RETREG3: variants seen among roughly 807,000 people sequenced by gnomAD.
RETREG3 encodes the protein reticulophagy regulator family member 3.
RETREG3 carries 23 observed loss-of-function variants against 50.2 expected under a neutral mutation model. The ratio of observed to expected loss-of-function variants is 0.46; its 90% CI spans 0.33 to 0.65. The LOEUF (loss-of-function observed/expected upper bound fraction) is 0.65, where lower values mean the gene tolerates loss of function less well. RETREG3 is among the 30% of genes least tolerant of loss of function. The pLI, the probability that RETREG3 is intolerant of heterozygous loss-of-function variation, is 0.02. For missense variants in RETREG3, 546 were observed against 598.0 expected, an observed-to-expected ratio of 0.91 and a Z score of 0.91; for synonymous variants, 240 against 234.4, an observed-to-expected ratio of 1.02 and a Z score of -0.22.
chr17:42,609,062 T>C, intron 1 of RETREG3, 24 bp downstream of exon 1: 1 of 1,596,082 alleles, frequency 6.3e-7, no homozygotes. Context: ...ACTCGGAGGG[T>C]TTCCGAGGGT....
At chr17:42,603,667 C>A (rs183636365) in intron 1 of RETREG3, among the ~76,000 whole-genome samples, 13 of 152,286 alleles carry the variant, frequency 8.5e-5, no homozygotes, top group Admixed American at 4.6e-4. Context: ...AACATTCACT[C>A]AACAGATTTC....
At position 42,582,781 on chromosome 17, in the gene RETREG3, T is replaced by A; in HGVS notation, c.836A>T (p.Glu279Val). The A allele has an allele frequency of 6.2e-7, 1 of 1,614,152 alleles. No individual in the cohort carries two copies. Among genetic ancestry groups the A allele is most frequent in the African/African-American group, 1.3e-5 (1 of 75,022 alleles). ...PQLDDSTVAR[E>V]LAITDSEHSD... ...GTGCTCAGAGTCTGTGATGGCCAAT[T>A]CCCTGGCAACAGTAGAATCGTCCAG... Residue 279 changes from glutamate to valine, a missense_variant, in exon 8 of 9, where the codon GAA becomes GTA. Physicochemically the swap from Glu to Val is moderately radical, Grantham distance 121. Transcript: ENST00000309428.
intron 2 of RETREG3, among the ~76,000 whole-genome samples, chr17:42,590,413 T>G (rs1313223661): frequency 6.6e-6 from 1 of 151,838 alleles, no homozygotes; most frequent in East Asian, 1.9e-4. Flanking sequence ...GACTCACGTC[T>G]GTAATCCCAG....
At chr17:42,608,856 G>A (rs1451540186) in intron 1 of RETREG3, 6 of 537,872 alleles carry the variant, frequency 1.1e-5, no homozygotes, top group Non-Finnish European at 2.0e-5. Flanking sequence ...CCAGATGTGC[G>A]GGGCGGGGGT....
intron 1 of RETREG3, among the ~76,000 whole-genome samples, chr17:42,601,071 TTCAAGAC>T (rs1167541316): frequency 6.7e-6 from 1 of 148,876 alleles, no homozygotes. Flanking sequence ...ACATCAGGAG[TTCAAGAC>T]CAGCCTGGCC....
chr17:42,604,694 C>CAA (rs1007735904), intron 1 of RETREG3, among the ~76,000 whole-genome samples: 78 of 44,390 alleles, frequency 1.8e-3, no homozygotes, highest in Admixed American at 3.6e-3. Flanking sequence ...GATTCCCCAG[C>CAA]AAAAAAAAAA....
intron 2 of RETREG3, among the ~76,000 whole-genome samples, chr17:42,590,599 A>T (rs1386579575): frequency 1.3e-5 from 2 of 151,306 alleles, no homozygotes; most frequent in Non-Finnish European, 1.5e-5. Context: ...TGGAGCCCGG[A>T]AGGTTGAGGC....
chr17:42,603,925 C>T (rs1424089841), intron 1 of RETREG3, among the ~76,000 whole-genome samples: 2 of 151,074 alleles, frequency 1.3e-5, no homozygotes, highest in African/African-American at 2.4e-5. Flanking sequence ...TGCAGTGAGC[C>T]GAGATCGCGC....
At chr17:42,588,921 G>T (rs1161332015) in intron 2 of RETREG3, among the ~76,000 whole-genome samples, 1 of 152,154 alleles carries the variant, frequency 6.6e-6, no homozygotes, top group Non-Finnish European at 1.5e-5. Context: ...CCTCCCTAAA[G>T]TGCTGGAATT....
rs1197025583 is a variant in RETREG3, at chr17:42,609,315, C to T, written c.10G>A (p.Ala4Thr). 8 of 1,598,272 alleles carry T rather than the reference C, an allele frequency of 5.0e-6. No individual in the cohort carries two copies. The highest frequency in any genetic ancestry group is 6.8e-6 in the Non-Finnish European group (8 of 1,178,270). Residue 4 changes from alanine (A) to threonine (T), a missense_variant, in exon 1 of 9, where the codon GCC (alanine) becomes ACC (threonine). Ala to Thr is a moderately conservative substitution (Grantham distance 58). Transcript: ENST00000309428. MAE[A>T]EGVPTTPGPA... Reference sequence around the variant, plus strand: ...CCTGGGGTCGTGGGAACCCCTTCGGCCTCAGCCATCTCCCCGCGGCAGCCA... The same window carrying T: ...CCTGGGGTCGTGGGAACCCCTTCGGTCTCAGCCATCTCCCCGCGGCAGCCA...
chr17:42,609,034 G>C, intron 1 of RETREG3, 52 bp downstream of exon 1: 1 of 1,561,620 alleles, frequency 6.4e-7, no homozygotes, highest in Admixed American at 1.7e-5. Flanking sequence ...GAGCCCTAGA[G>C]GAACCAACGA....
chr17:42,587,004 C>T, intron 3 of RETREG3, 113 bp from the exon 4 acceptor site: 1 of 1,409,608 alleles, frequency 7.1e-7, no homozygotes, highest in South Asian at 1.4e-5. Context: ...AGTGACTAGG[C>T]CCAGGTGCTT....
At chr17:42,582,367 G>A in intron 8 of RETREG3, 97 bp from the exon 9 acceptor site, 1 of 1,237,898 alleles carries the variant, frequency 8.1e-7, no homozygotes, top group Non-Finnish European at 1.1e-6. Flanking sequence ...GGCTTTCTCA[G>A]GGCGAAATAA....
At chr17:42,605,101 T>G (rs79554757) in intron 1 of RETREG3, 1 of 150,866 alleles carries the variant, frequency 6.6e-6, no homozygotes, top group Non-Finnish European at 1.5e-5. Flanking sequence ...AAAAAAAAAG[T>G]ATGAAAACCT....
chr17:42,604,167 T>TG (rs368326658), intron 1 of RETREG3, among the ~76,000 whole-genome samples: 70 of 152,042 alleles, frequency 4.6e-4, no homozygotes, highest in Non-Finnish European at 7.2e-4. Context: ...TTTATTTTTT[T>TG]GGGGGGGCGG....
Position 42,582,254 on chromosome 17 carries a change from A to G in RETREG3, c.960T>C (p.Ser320=), listed in dbSNP as rs767357949. The G allele has an allele frequency of 1.9e-6, 3 of 1,606,308 alleles. No individual in the cohort carries two copies. In the South Asian group the frequency reaches 3.3e-5, roughly 18 times the overall value. The change falls in exon 9 of 9, where the codon AGT becomes AGC. Residue 320 remains serine, a synonymous_variant. Transcript: ENST00000309428. ...TEGSEDLDGH[S]DPEESFARDL... The stretch of plus-strand genomic sequence containing the variant: ...CTCTGGCAAAGGATTCCTCTGGATC[A>G]CTGTGACCATCTAGGTCTGGTGGAA...
At position 42,606,106 on chromosome 17, in the gene RETREG3, C is replaced by A. The variant is rs919604152; in HGVS notation, c.239+2980G>T. On this transcript the variant is annotated intron_variant, in intron 1 of 8. Transcript: ENST00000309428. ...AACTGTGTTCTGGATACACAACAGACAAGCTACTAGGAAATGCCAAAGATA... is the reference window on the plus strand; with the variant it reads ...AACTGTGTTCTGGATACACAACAGAAAAGCTACTAGGAAATGCCAAAGATA... Among the ~76,000 whole-genome samples, 19 of 151,194 alleles carry A rather than the reference C, an allele frequency of 1.3e-4. 1 individual carries two copies. The highest frequency in any genetic ancestry group is 3.3e-4 in the Admixed American group (5 of 15,124).
At chr17:42,593,217 A>T (rs949889097) in intron 1 of RETREG3, among the ~76,000 whole-genome samples, 1 of 152,216 alleles carries the variant, frequency 6.6e-6, no homozygotes, top group Non-Finnish European at 1.5e-5. Flanking sequence ...GCATATTAAA[A>T]GTATTATACA....
intron 1 of RETREG3, among the ~76,000 whole-genome samples, chr17:42,603,361 A>G (rs1435305438): frequency 1.3e-5 from 2 of 152,220 alleles, no homozygotes; most frequent in Non-Finnish European, 2.9e-5. Context: ...CCCATTCTAC[A>G]GGGACAGAAA....
Sources: gnomAD v4.1 joint callset for allele counts (sites outside exome capture counted in the v4.1 genomes callset) on GRCh38, gnomAD v4.1.1 for gene constraint, MANE v1.5 for transcripts, NCBI Gene and HGNC (gene_info 2026-07-23, HGNC 2026-07-21) for gene names.